GLIS3: variants seen among roughly 807,000 people sequenced by gnomAD.
GLIS3 encodes zinc finger protein GLIS3.
Under a neutral mutation model 78.6 loss-of-function variants are expected in GLIS3, and 53 were observed. That is an observed-to-expected ratio of 0.67 (90% CI 0.54 to 0.85). The LOEUF is 0.85. Among genes scored for constraint, GLIS3 ranks in the 40% least tolerant of loss-of-function variants. The pLI, the probability that GLIS3 is intolerant of heterozygous loss-of-function variation, is 0.00. For missense variants in GLIS3, 1,703 were observed against 1,231.1 expected (o/e 1.38, Z -5.74); for synonymous variants, 684 against 509.9 (o/e 1.34, Z -4.60).
chr9:4,052,439 A>T (rs1825809715), intron 4 of GLIS3, among the ~76,000 whole-genome samples: 1 of 152,068 alleles, frequency 6.6e-6, no homozygotes, highest in Non-Finnish European at 1.5e-5. Context: ...GTTCCAGAAC[A>T]TTTTCATTAC....
the GLIS3 span, among the ~76,000 whole-genome samples, chr9:4,408,651 C>T: frequency 2.2e-5 from 3 of 135,438 alleles, no homozygotes; most frequent in Admixed American, 1.6e-4. Flanking sequence ...GGCGTGAACC[C>T]GGGAGGCGGA....
At chr9:4,105,361 G>A (rs1830669305) in intron 4 of GLIS3, among the ~76,000 whole-genome samples, 1 of 152,148 alleles carries the variant, frequency 6.6e-6, no homozygotes, top group Non-Finnish European at 1.5e-5. Flanking sequence ...TGTTTGACAA[G>A]TGCAGCAGGA....
the GLIS3 span, among the ~76,000 whole-genome samples, chr9:4,441,718 C>T: frequency 2.0e-5 from 3 of 152,048 alleles, no homozygotes; most frequent in African/African-American, 7.2e-5. Context: ...GCCATCCTTC[C>T]ACCTCAACCT....
chr9:4,123,890 G>T (rs1459727636), intron 3 of GLIS3: 1 of 397,310 alleles, frequency 2.5e-6, no homozygotes, highest in East Asian at 3.6e-5. Context: ...AATACATTTT[G>T]CAGCTTTTCA....
chr9:4,266,299 T>C lies in GLIS3; in HGVS notation c.388+19739A>G, dbSNP rs550581662. On this transcript the variant is annotated intron_variant, in intron 2 of 10. Transcript: ENST00000381971. ...CAAGAAGAAAAAAAAAAATCTTTGC[T>C]TCAAGCTTCCAGTATCTGACTATGC... Among the ~76,000 whole-genome samples, 16 of 152,178 alleles carry C rather than the reference T, an allele frequency of 1.1e-4. 1 individual carries two copies. Among genetic ancestry groups the C allele is most frequent in the African/African-American group, 3.9e-4 (16 of 41,528 alleles).
At chr9:4,260,772 C>G (rs1212366975) in intron 2 of GLIS3, among the ~76,000 whole-genome samples, 1 of 151,908 alleles carries the variant, frequency 6.6e-6, no homozygotes, top group Non-Finnish European at 1.5e-5. Flanking sequence ...AAAAAAAGGA[C>G]TGACTTGTCA....
intron 2 of GLIS3, among the ~76,000 whole-genome samples, chr9:4,149,727 C>T (rs1045079294): frequency 1.5e-4 from 23 of 150,674 alleles, no homozygotes; most frequent in African/African-American, 5.7e-4. Context: ...TGTTATCTCA[C>T]TCATTCAGGA....
At chr9:4,264,308 C>T (rs981363757) in intron 2 of GLIS3, among the ~76,000 whole-genome samples, 1 of 152,228 alleles carries the variant, frequency 6.6e-6, no homozygotes, top group Admixed American at 6.5e-5. Flanking sequence ...AACCCACCAC[C>T]ACCACCATGA....
chr9:4,244,299 T>C (rs566593678), intron 2 of GLIS3, among the ~76,000 whole-genome samples: 20 of 152,376 alleles, frequency 1.3e-4, no homozygotes, highest in Admixed American at 9.8e-4. Context: ...CTTTCTAATA[T>C]GTCAGTGTAC....
chr9:4,165,034 T>G (rs190015493), intron 2 of GLIS3, among the ~76,000 whole-genome samples: 2 of 152,166 alleles, frequency 1.3e-5, no homozygotes, highest in Non-Finnish European at 2.9e-5. Context: ...TGGAAACCCA[T>G]GTAGGCTGTG....
chr9:3,984,819 T>C (rs951890546), intron 4 of GLIS3, among the ~76,000 whole-genome samples: 1 of 152,164 alleles, frequency 6.6e-6, no homozygotes, highest in South Asian at 2.1e-4. Flanking sequence ...GATTGAATTG[T>C]GGGGGCGTGT....
intron 5 of GLIS3, among the ~76,000 whole-genome samples, chr9:3,933,182 T>C (rs76720349): frequency 2.1e-3 from 296 of 144,020 alleles, no homozygotes; most frequent in Non-Finnish European, 2.9e-3. Context: ...GTCTAGCCTC[T>C]TTTTTTTTTT....
chr9:4,062,315 GA>G (rs1826721781), intron 4 of GLIS3, among the ~76,000 whole-genome samples: 1 of 152,176 alleles, frequency 6.6e-6, no homozygotes, highest in Non-Finnish European at 1.5e-5. Context: ...TTCCCATATT[GA>G]AAATACTGGT....
intron 2 of GLIS3, among the ~76,000 whole-genome samples, chr9:4,213,437 A>G (rs1482137930): frequency 6.6e-6 from 1 of 152,228 alleles, no homozygotes; most frequent in Non-Finnish European, 1.5e-5. Context: ...GTCACTAAAC[A>G]AGGACTGTCC....
chr9:4,108,855 G>A (rs1273369341), intron 4 of GLIS3, among the ~76,000 whole-genome samples: 1 of 152,118 alleles, frequency 6.6e-6, no homozygotes, highest in African/African-American at 2.4e-5. Flanking sequence ...CCACTGACCT[G>A]GGCCTTCAGC....
At chr9:4,100,262 G>C (rs1410237772) in intron 4 of GLIS3, among the ~76,000 whole-genome samples, 1 of 151,080 alleles carries the variant, frequency 6.6e-6, no homozygotes, top group Non-Finnish European at 1.5e-5. Flanking sequence ...TCCCTGCCAG[G>C]GCTGAACTGT....
chr9:4,432,337 A>G, the GLIS3 span, among the ~76,000 whole-genome samples: 1 of 152,208 alleles, frequency 6.6e-6, no homozygotes. Flanking sequence ...TCTTAAAGCT[A>G]GGGTAGGATC....
At chr9:3,871,075 T>C (rs1563797339) in intron 8 of GLIS3, among the ~76,000 whole-genome samples, 1 of 152,194 alleles carries the variant, frequency 6.6e-6, no homozygotes, top group Non-Finnish European at 1.5e-5. Flanking sequence ...ACACGGCACA[T>C]GCAATTTCAA....
chr9:4,451,735 G>A, the GLIS3 span, among the ~76,000 whole-genome samples: 7 of 152,062 alleles, frequency 4.6e-5, no homozygotes, highest in Non-Finnish European at 7.4e-5. Flanking sequence ...AGCAACCTTC[G>A]CCTGAATGAC....
Sources: allele counts gnomAD v4.1 joint callset (sites outside exome capture counted in the v4.1 genomes callset), GRCh38; gene constraint gnomAD v4.1.1; transcripts MANE v1.5; gene names NCBI Gene and HGNC (gene_info 2026-07-23, HGNC 2026-07-21).